CSTPP1: variants seen among roughly 807,000 people sequenced by gnomAD.
CSTPP1 encodes the protein UPF0705 protein C11orf49.
chr11:47,004,135 TTG>T, the CSTPP1 span, among the ~76,000 whole-genome samples: 1 of 146,860 alleles, frequency 6.8e-6, no homozygotes, highest in South Asian at 2.1e-4. Flanking sequence ...CTTTTGTTTT[TTG>T]TTGTTGTTGT....
At chr11:46,976,049 GTGGAGAAAAAGA>G in the CSTPP1 span, among the ~76,000 whole-genome samples, 2 of 152,226 alleles carry the variant, frequency 1.3e-5, no homozygotes, top group Admixed American at 1.3e-4. Context: ...TAGGAGAGTG[GTGGAGAAAAAGA>G]TGGAGAAAAA....
At chr11:47,052,274 G>A in the CSTPP1 span, 4 of 1,321,636 alleles carry the variant, frequency 3.0e-6, no homozygotes, top group East Asian at 4.9e-5. Flanking sequence ...GAGTTTTGTT[G>A]GGGAGAAAAA....
At chr11:46,967,387 T>G in the CSTPP1 span, among the ~76,000 whole-genome samples, 5 of 152,232 alleles carry the variant, frequency 3.3e-5, no homozygotes, top group Non-Finnish European at 7.3e-5. Context: ...TGTGCATATT[T>G]CTAGATTCTT....
At chr11:47,163,724 C>T in the CSTPP1 span, among the ~76,000 whole-genome samples, 1 of 152,092 alleles carries the variant, frequency 6.6e-6, no homozygotes, top group Non-Finnish European at 1.5e-5. Context: ...CTCACTGCAA[C>T]CTCTGCCTCC....
the CSTPP1 span, among the ~76,000 whole-genome samples, chr11:46,944,470 G>A: frequency 6.6e-6 from 1 of 152,154 alleles, no homozygotes; most frequent in Non-Finnish European, 1.5e-5. Context: ...CCAGGAATGT[G>A]TGCCTCTCAG....
the CSTPP1 span, among the ~76,000 whole-genome samples, chr11:47,065,078 C>G: frequency 6.6e-6 from 1 of 152,082 alleles, no homozygotes; most frequent in Non-Finnish European, 1.5e-5. Flanking sequence ...TGTGAGTCAT[C>G]CAACTTTGTT....
At chr11:47,160,962 C>A in the CSTPP1 span, 10 of 831,274 alleles carry the variant, frequency 1.2e-5, no homozygotes, top group Admixed American at 2.7e-5. Flanking sequence ...CGAGCACCTT[C>A]CTGCTCCGTG....
At chr11:47,142,029 G>A in the CSTPP1 span, among the ~76,000 whole-genome samples, 76 of 151,390 alleles carry the variant, frequency 5.0e-4, no homozygotes, top group African/African-American at 1.8e-3. Flanking sequence ...TGGATCACGA[G>A]GTCAAGAGAT....
chr11:46,954,609 G>A, the CSTPP1 span, among the ~76,000 whole-genome samples: 1 of 151,918 alleles, frequency 6.6e-6, no homozygotes, highest in Admixed American at 6.6e-5. Context: ...TCCAGAGAGC[G>A]CAAAATTCCA....
At chr11:47,052,497 C>T in the CSTPP1 span, 31 of 1,613,708 alleles carry the variant, frequency 1.9e-5, no homozygotes, top group African/African-American at 2.7e-5. Flanking sequence ...GAGATGCTTC[C>T]GAACTGTGGG....
the CSTPP1 span, among the ~76,000 whole-genome samples, chr11:47,035,821 T>TA: frequency 6.6e-6 from 1 of 151,860 alleles, no homozygotes; most frequent in Non-Finnish European, 1.5e-5. Flanking sequence ...GAGTTTTTTT[T>TA]AAATTGCTGA....
chr11:47,115,302 G>T, the CSTPP1 span, among the ~76,000 whole-genome samples: 1 of 152,018 alleles, frequency 6.6e-6, no homozygotes, highest in Non-Finnish European at 1.5e-5. Flanking sequence ...TTTTTTTGTT[G>T]TGTCTCTGCC....
At chr11:47,148,311 G>C in the CSTPP1 span, among the ~76,000 whole-genome samples, 3 of 151,620 alleles carry the variant, frequency 2.0e-5, no homozygotes, top group Admixed American at 6.6e-5. Flanking sequence ...CCTTGACCTG[G>C]GGACACCCTT....
the CSTPP1 span, among the ~76,000 whole-genome samples, chr11:46,937,988 C>T: frequency 6.6e-6 from 1 of 152,108 alleles, no homozygotes; most frequent in Non-Finnish European, 1.5e-5. Context: ...GATTCTCCTG[C>T]CTCAGCCTCC....
chr11:46,956,912 T>G, the CSTPP1 span, among the ~76,000 whole-genome samples: 1 of 151,418 alleles, frequency 6.6e-6, no homozygotes, highest in African/African-American at 2.4e-5. Flanking sequence ...GTATACATAG[T>G]ATATATGTAT....
At chr11:46,941,166 C>T in the CSTPP1 span, among the ~76,000 whole-genome samples, 5 of 152,204 alleles carry the variant, frequency 3.3e-5, no homozygotes, top group Non-Finnish European at 7.3e-5. Flanking sequence ...GTCCTAACCA[C>T]TAACTAGACA....
the CSTPP1 span, among the ~76,000 whole-genome samples, chr11:47,106,045 G>A: frequency 6.6e-6 from 1 of 152,190 alleles, no homozygotes; most frequent in African/African-American, 2.4e-5. Flanking sequence ...GCATGACCCA[G>A]TCTGTGTTGA....
chr11:47,067,965 T>G, the CSTPP1 span, among the ~76,000 whole-genome samples: 5 of 152,328 alleles, frequency 3.3e-5, no homozygotes, highest in African/African-American at 1.2e-4. Flanking sequence ...ATTTCCACAT[T>G]GATAAACTTA....
the CSTPP1 span, among the ~76,000 whole-genome samples, chr11:47,112,512 G>T: frequency 1.3e-5 from 2 of 152,044 alleles, no homozygotes; most frequent in South Asian, 2.1e-4. Flanking sequence ...TGTAGAGACG[G>T]GTTTTCACCA....
Sources: allele counts gnomAD v4.1 joint callset (sites outside exome capture counted in the v4.1 genomes callset), GRCh38; gene constraint gnomAD v4.1.1; transcripts MANE v1.5; gene names NCBI Gene and HGNC (gene_info 2026-07-23, HGNC 2026-07-21).